The following C2orf42 variants were observed in gnomAD, a reference collection of about 807,000 sequenced individuals.
C2orf42 encodes uncharacterized protein C2orf42.
In C2orf42, 44 loss-of-function variants were observed where a neutral mutation model predicts 58.9. That is an observed-to-expected ratio of 0.75 (90% CI 0.59 to 0.96). The LOEUF is 0.96. Among genes scored for constraint, C2orf42 ranks in the 40% least tolerant of loss-of-function variants. The probability of loss-of-function intolerance (pLI) is 0.00; values close to 1 mark genes in which losing one functional copy is unlikely to be tolerated. For synonymous variants in C2orf42, 239 were observed against 265.4 expected, an observed-to-expected ratio of 0.90 and a Z score of 0.97; for missense variants, 630 against 699.2, an observed-to-expected ratio of 0.90 and a Z score of 1.12.
At chr2:70,188,487 GC>G (rs1311274161) in intron 1 of C2orf42, among the ~76,000 whole-genome samples, 1 of 152,164 alleles carries the variant, frequency 6.6e-6, no homozygotes, top group African/African-American at 2.4e-5. Flanking sequence ...GCTATGCCTG[GC>G]CTCAATCTCC....
intron 9 of C2orf42, among the ~76,000 whole-genome samples, chr2:70,159,351 G>A: frequency 6.6e-6 from 1 of 151,846 alleles, no homozygotes; most frequent in East Asian, 1.9e-4. Context: ...ACTTTGGGGG[G>A]CCGAGGTGGG....
chr2:70,162,738 C>G (rs567993240), intron 8 of C2orf42, among the ~76,000 whole-genome samples: 3 of 152,220 alleles, frequency 2.0e-5, no homozygotes, highest in Non-Finnish European at 4.4e-5. Context: ...TCCTAAATCG[C>G]TGGTATTATA....
At chr2:70,180,215 C>G (rs1674461931) in intron 3 of C2orf42, among the ~76,000 whole-genome samples, 1 of 151,868 alleles carries the variant, frequency 6.6e-6, no homozygotes, top group East Asian at 1.9e-4. Context: ...GCGCTTGAAC[C>G]CAGGAGGTGG....
chr2:70,184,049 G>A (rs747384683), intron 1 of C2orf42, among the ~76,000 whole-genome samples: 18 of 152,042 alleles, frequency 1.2e-4, no homozygotes, highest in African/African-American at 3.9e-4. Context: ...GGCCTCAAGC[G>A]CTCCTCCTGC....
chr2:70,163,117 C>T (rs1276287433), intron 8 of C2orf42, among the ~76,000 whole-genome samples: 3 of 152,106 alleles, frequency 2.0e-5, no homozygotes, highest in Non-Finnish European at 4.4e-5. Context: ...ATCCACCTGC[C>T]TTAGCCTCCC....
intron 9 of C2orf42, among the ~76,000 whole-genome samples, chr2:70,158,910 T>G (rs1672875674): frequency 6.7e-6 from 1 of 148,156 alleles, no homozygotes; most frequent in Admixed American, 6.8e-5. Context: ...CTTTTTTTTT[T>G]TTTTTTTTTT....
At chr2:70,150,633 A>AC in intron 9 of C2orf42, 69 bp from the exon 10 acceptor site, 1 of 1,175,966 alleles carries the variant, frequency 8.5e-7, no homozygotes, top group East Asian at 2.4e-5. Flanking sequence ...TTGCAAAAAA[A>AC]GTGTCCGGAA....
chr2:70,179,590 T>C lies in C2orf42; in HGVS notation c.876A>G (p.Val292=). ...PQLGCHSEST[V]SACESTASKS... ...TAGAGGCAGTAGACTCACAAGCAGATACTGTTGATTCTGAATGGCAACCTA... is the reference window on the plus strand; with the variant it reads ...TAGAGGCAGTAGACTCACAAGCAGACACTGTTGATTCTGAATGGCAACCTA... Residue 292 remains valine (V), a synonymous_variant, in exon 4 of 10, where the codon GTA becomes GTG. Coordinates refer to ENST00000264434, the MANE Select transcript of C2orf42 (RefSeq NM_017880.3). 1 of 1,572,176 alleles carries C rather than the reference T, an allele frequency of 6.4e-7. No homozygotes were observed. The highest frequency in any genetic ancestry group is 8.8e-7 in the Non-Finnish European group (1 of 1,142,616).
chr2:70,164,502 C>T (rs998500172), intron 8 of C2orf42, among the ~76,000 whole-genome samples: 4 of 151,876 alleles, frequency 2.6e-5, no homozygotes, highest in Admixed American at 6.6e-5. Context: ...TATGGTGGCA[C>T]GTGCCTGTAA....
chr2:70,155,208 A>T (rs1435196490), intron 9 of C2orf42, among the ~76,000 whole-genome samples: 2 of 152,032 alleles, frequency 1.3e-5, no homozygotes, highest in Admixed American at 1.3e-4. Flanking sequence ...GCACCACTGC[A>T]CTCCAGCCTG....
intron 9 of C2orf42, among the ~76,000 whole-genome samples, chr2:70,158,847 C>T (rs1672868571): frequency 6.6e-6 from 1 of 151,614 alleles, no homozygotes; most frequent in Non-Finnish European, 1.5e-5. Flanking sequence ...TTGCCTAGGC[C>T]TCCCAAAGTG....
In C2orf42 at chr2:70,181,977, T is replaced by A. The variant is rs1573032579; in HGVS notation, c.9A>T (p.Pro3=). The change falls in exon 3 of 10, where the codon CCA becomes CCT. Residue 3 remains proline (P), a synonymous_variant. Coordinates refer to ENST00000264434, the MANE Select transcript of C2orf42 (RefSeq NM_017880.3). ...CTGGGACTTTAGTCCTCAGAGAATT[T>A]GGTTCCATTTTTCAGAGGCCCTACA... ME[P]NSLRTKVPAF... 6.2e-7 allele frequency: 1 copy of A among 1,603,992 alleles called. No individual in the cohort carries two copies. The highest frequency in any genetic ancestry group is 2.2e-5 in the East Asian group (1 of 44,800).
At chr2:70,155,944 T>G (rs936612720) in intron 9 of C2orf42, among the ~76,000 whole-genome samples, 2 of 151,400 alleles carry the variant, frequency 1.3e-5, no homozygotes, top group Non-Finnish European at 2.9e-5. Flanking sequence ...TCACCTGAGG[T>G]TGGGAATTCA....
chr2:70,185,774 C>CATAT (rs1018679967), intron 1 of C2orf42, among the ~76,000 whole-genome samples: 3 of 148,638 alleles, frequency 2.0e-5, no homozygotes, highest in Non-Finnish European at 3.0e-5. Context: ...TATATACACA[C>CATAT]ATATATATAT....
intron 1 of C2orf42, among the ~76,000 whole-genome samples, chr2:70,184,663 A>G (rs1036518914): frequency 2.0e-5 from 3 of 150,590 alleles, no homozygotes; most frequent in Admixed American, 6.6e-5. Context: ...AATTTTTTAT[A>G]GAGATGGGGG....
rs192376202 is a variant in C2orf42, at chr2:70,187,848, G to A, written c.-282+3125C>T. 3.1e-4 allele frequency among the ~76,000 whole-genome samples: 47 copies of A among 151,360 alleles called. No homozygotes were observed. The East Asian group carries it at 3.4e-3, about 11-fold the overall frequency. On this transcript the variant is annotated intron_variant, in intron 1 of 9. Coordinates refer to ENST00000264434, the MANE Select transcript of C2orf42 (RefSeq NM_017880.3). ...TGAGACTACAGGCACATGCCACCAC[G>A]CCCAGCTAATTTTTGTATTTTTAGT...
intron 9 of C2orf42, among the ~76,000 whole-genome samples, chr2:70,159,411 A>G (rs1176512477): frequency 6.6e-6 from 1 of 150,738 alleles, no homozygotes; most frequent in Non-Finnish European, 1.5e-5. Flanking sequence ...AACATGGTGA[A>G]ACCCCGTCTC....
At chr2:70,158,739 C>T (rs969403856) in intron 9 of C2orf42, among the ~76,000 whole-genome samples, 3 of 151,586 alleles carry the variant, frequency 2.0e-5, no homozygotes, top group Non-Finnish European at 4.4e-5. Flanking sequence ...TGAGTCACCA[C>T]GCCCGGCCAC....
chr2:70,172,915 C>T (rs1035536605), intron 5 of C2orf42, among the ~76,000 whole-genome samples: 1 of 152,118 alleles, frequency 6.6e-6, no homozygotes, highest in African/African-American at 2.4e-5. Context: ...ATAATCCCAG[C>T]ACTTTGGGAG....
Sources: allele counts gnomAD v4.1 joint callset (sites outside exome capture counted in the v4.1 genomes callset), GRCh38; gene constraint gnomAD v4.1.1; transcripts MANE v1.5; gene names NCBI Gene and HGNC (gene_info 2026-07-23, HGNC 2026-07-21).